GUCY1B1: variants seen among roughly 807,000 people sequenced by gnomAD.
GUCY1B1 encodes the protein guanylate cyclase 1 soluble subunit beta 1, also known as guanylate cyclase soluble subunit beta-1.
GUCY1B1 carries 43 observed loss-of-function variants against 71.0 expected under a neutral mutation model. The observed-to-expected ratio is 0.61, with a 90% CI of 0.47 to 0.78. The LOEUF (loss-of-function observed/expected upper bound fraction) is 0.78, where lower values mean the gene tolerates loss of function less well. GUCY1B1 is among the 30% of genes least tolerant of loss of function. The probability of loss-of-function intolerance (pLI) is 0.00; values close to 1 mark genes in which losing one functional copy is unlikely to be tolerated. For missense variants in GUCY1B1, 535 were observed against 754.1 expected (o/e 0.71, Z 3.40); for synonymous variants, 266 against 259.7 (o/e 1.02, Z -0.23).
At chr4:155,789,632 T>C (rs1229879656) in intron 4 of GUCY1B1, 82 bp from the exon 5 acceptor site, 6 of 777,134 alleles carry the variant, frequency 7.7e-6, no homozygotes, top group Admixed American at 2.4e-5. Flanking sequence ...CCGATTTGAC[T>C]CGTTTTCATA....
intron 4 of GUCY1B1, among the ~76,000 whole-genome samples, chr4:155,788,796 C>G (rs2111101720): frequency 6.6e-6 from 1 of 152,294 alleles, no homozygotes; most frequent in Admixed American, 6.5e-5. Context: ...GATCCTAAGT[C>G]ATATTGCTCT....
chr4:155,792,304 A>G (rs1021038747), intron 5 of GUCY1B1, among the ~76,000 whole-genome samples: 1 of 152,156 alleles, frequency 6.6e-6, no homozygotes, highest in African/African-American at 2.4e-5. Context: ...AAGCAAAAAA[A>G]TTAGAATTGA....
chr4:155,772,397 G>T (rs1159997377), intron 2 of GUCY1B1, among the ~76,000 whole-genome samples: 2 of 152,124 alleles, frequency 1.3e-5, no homozygotes, highest in Non-Finnish European at 2.9e-5. Context: ...GAAAAGAGAG[G>T]TTTTGTTTGT....
intron 4 of GUCY1B1, among the ~76,000 whole-genome samples, chr4:155,788,395 A>T (rs1005234058): frequency 2.6e-5 from 4 of 151,878 alleles, no homozygotes; most frequent in African/African-American, 7.3e-5. Flanking sequence ...TCCTTCTCAT[A>T]CTCCCATCTC....
At chr4:155,795,706 A>C (rs558211412) in intron 7 of GUCY1B1, among the ~76,000 whole-genome samples, 1 of 152,316 alleles carries the variant, frequency 6.6e-6, no homozygotes, top group South Asian at 2.1e-4. Flanking sequence ...CTTGTTTCAC[A>C]TCAAAAAACC....
At chr4:155,772,484 G>T in intron 2 of GUCY1B1, 1 of 441,812 alleles carries the variant, frequency 2.3e-6, no homozygotes, top group Non-Finnish European at 4.1e-6. Flanking sequence ...GCAAGATCAC[G>T]CCTCACTGAG....
Position 155,803,754 on chromosome 4 carries a change from A to C in GUCY1B1, c.1544A>C (p.Glu515Ala), listed in dbSNP as rs769414284. The change falls in exon 11 of 14, where the codon GAA (glutamate) becomes GCA (alanine). Residue 515 changes from glutamate (E) to alanine (A), a missense_variant. Physicochemically the swap from Glu to Ala is moderately radical, Grantham distance 107 (BLOSUM62 -1). Coordinates refer to ENST00000264424, the MANE Select transcript of GUCY1B1 (RefSeq NM_000857.5). Reference protein sequence around the residue: ...EIAGQVQVDGESVQITIGIHT... With the variant: ...EIAGQVQVDGASVQITIGIHT... ...GCTGGCCAGGTTCAAGTAGATGGTG[A>C]ATCTGTTCAGGTTAGTAAATGAAGT... 2 of 1,588,674 alleles carry C rather than the reference A, an allele frequency of 1.3e-6. No individual in the cohort carries two copies. The highest frequency in any genetic ancestry group is 8.6e-7 in the Non-Finnish European group (1 of 1,168,194).
At chr4:155,786,682 C>T (rs543166364) in intron 4 of GUCY1B1, among the ~76,000 whole-genome samples, 2 of 151,850 alleles carry the variant, frequency 1.3e-5, no homozygotes, top group East Asian at 2.0e-4. Flanking sequence ...ACCGTGTTAG[C>T]CAGGATGGTC....
intron 2 of GUCY1B1, among the ~76,000 whole-genome samples, chr4:155,760,243 A>G (rs1736899952): frequency 1.3e-5 from 2 of 152,204 alleles, no homozygotes; most frequent in African/African-American, 2.4e-5. Context: ...CGGAGGCCTT[A>G]GAAACAAACG....
At position 155,795,516 on chromosome 4, in the gene GUCY1B1, CA is replaced by C. The variant is rs1044160833; in HGVS notation, c.843+60del. ...AGGTATGTCACAAATTAGAAGTATT[CA>C]GGGGGGAAAATTATCACATTCTCTG... is the stretch of plus-strand genomic sequence containing the variant. On this transcript the variant is annotated intron_variant, in intron 7 of 13. Coordinates refer to ENST00000264424, the MANE Select transcript of GUCY1B1 (RefSeq NM_000857.5). 3.0e-5 allele frequency: 24 copies of C among 803,020 alleles called. No homozygotes were observed. The African/African-American group carries it at 3.6e-4, about 12-fold the overall frequency. 49.7% of individuals were successfully genotyped at this position (803,020 alleles called of 1,614,324 possible). A position where few individuals can be genotyped will look rare whatever the true frequency, so the allele number is the denominator to read the frequency against.
intron 2 of GUCY1B1, among the ~76,000 whole-genome samples, chr4:155,763,999 TATCA>T (rs1356209656): frequency 1.4e-5 from 1 of 71,962 alleles, no homozygotes; most frequent in Non-Finnish European, 2.8e-5. Context: ...GTCTATATTC[TATCA>T]GTCTAAATTT....
chr4:155,785,363 C>G, intron 4 of GUCY1B1: 1 of 988,972 alleles, frequency 1.0e-6, no homozygotes, highest in South Asian at 1.4e-5. Context: ...GTCTTTTTTA[C>G]TTTCATACAT....
At chr4:155,793,394 G>A (rs574744591) in intron 5 of GUCY1B1, among the ~76,000 whole-genome samples, 20 of 152,250 alleles carry the variant, frequency 1.3e-4, no homozygotes, top group Non-Finnish European at 2.5e-4. Flanking sequence ...GTAACTTTAT[G>A]TATTTGATAG....
intron 2 of GUCY1B1, among the ~76,000 whole-genome samples, chr4:155,762,173 G>A (rs879714275): frequency 6.6e-6 from 1 of 152,126 alleles, no homozygotes; most frequent in Non-Finnish European, 1.5e-5. Context: ...TGGGGAGAGG[G>A]GAGGAGAACC....
At chr4:155,803,902 C>T (rs1740129225) in intron 11 of GUCY1B1, 138 bp downstream of exon 11, 3 of 518,418 alleles carry the variant, frequency 5.8e-6, no homozygotes. Context: ...TTCATCCAGC[C>T]CACTGTACTA....
intron 8 of GUCY1B1, among the ~76,000 whole-genome samples, chr4:155,797,144 A>G (rs1739611417): frequency 1.3e-5 from 2 of 152,184 alleles, no homozygotes; most frequent in African/African-American, 2.4e-5. Flanking sequence ...TATAAAAATT[A>G]TGTCTAAATT....
chr4:155,794,420 G>T (rs1353716058), intron 6 of GUCY1B1, among the ~76,000 whole-genome samples: 2 of 152,048 alleles, frequency 1.3e-5, no homozygotes, highest in Non-Finnish European at 2.9e-5. Flanking sequence ...ATATTCATTG[G>T]ATATCTACCA....
intron 6 of GUCY1B1, among the ~76,000 whole-genome samples, chr4:155,794,632 T>C (rs1739423424): frequency 6.6e-6 from 1 of 152,240 alleles, no homozygotes; most frequent in African/African-American, 2.4e-5. Flanking sequence ...CTTACTCTTT[T>C]TTTCTTAAAT....
chr4:155,804,908 A>G (rs892352077), intron 12 of GUCY1B1, among the ~76,000 whole-genome samples, 161 bp downstream of exon 12: 1 of 152,134 alleles, frequency 6.6e-6, no homozygotes, highest in Non-Finnish European at 1.5e-5. Flanking sequence ...AGATTGTGTC[A>G]TTATTTCCAT....
Sources: gnomAD v4.1 joint callset for allele counts (sites outside exome capture counted in the v4.1 genomes callset) on GRCh38, gnomAD v4.1.1 for gene constraint, MANE v1.5 for transcripts, NCBI Gene and HGNC (gene_info 2026-07-23, HGNC 2026-07-21) for gene names.